The following SWSAP1 variants were observed in gnomAD, a reference collection of about 807,000 sequenced individuals.
The protein encoded by SWSAP1 is SWIM-type zinc finger 7 associated protein 1, also known as ATPase SWSAP1.
Under a neutral mutation model 5.6 loss-of-function variants are expected in SWSAP1, and 4 were observed. That is an observed-to-expected ratio of 0.72 (90% confidence interval 0.35 to 1.64). The LOEUF is 1.64. Ranked by LOEUF, SWSAP1 falls within the 40% of genes most tolerant of loss-of-function variation. The probability of loss-of-function intolerance (pLI) is 0.05; values close to 1 mark genes in which losing one functional copy is unlikely to be tolerated. For synonymous variants in SWSAP1, 139 were observed against 143.3 expected (o/e 0.97, Z 0.22); for missense variants, 354 against 319.8 (o/e 1.11, Z -0.82).
Position 11,375,939 on chromosome 19 carries a change from A to G in SWSAP1, c.676A>G (p.Met226Val). Residue 226 changes from methionine (M) to valine (V), a missense_variant, in exon 2 of 2, where the codon ATG (methionine) becomes GTG (valine). Coordinates refer to ENST00000674460, the MANE Select transcript of SWSAP1 (RefSeq NM_175871.4). The stretch of plus-strand genomic sequence containing the variant: ...GGTGACTTTCCGATCAGATGGAGAA[A>G]TGATGATCGCTCCGTGGCCCACCCA... ...WWVTFRSDGE[M>V]MIAPWPTQAG... 6.2e-7 allele frequency: 1 copy of G among 1,613,570 alleles called. No individual in the cohort carries two copies.
rs150953765 is a variant in SWSAP1, at chr19:11,374,771, C to G, written c.91C>G (p.Leu31Val). ...NMPAAGPPLL[L>V]LGTPGSGKTA... is the part of the protein sequence containing the mutation. ...GCCTGCCGCCGGACCGCCTTTGCTG[C>G]TGCTCGGTACACCAGGATCTGGAAA... Residue 31 changes from leucine to valine, a missense_variant, in exon 1 of 2, where the codon CTG becomes GTG. Coordinates refer to ENST00000674460, the MANE Select transcript of SWSAP1 (RefSeq NM_175871.4). 239 of 1,612,912 alleles carry G rather than the reference C, an allele frequency of 1.5e-4. No individual in the cohort carries two copies. The highest frequency in any genetic ancestry group is 1.7e-4 in the Middle Eastern group (1 of 5,752).
intron 1 of SWSAP1, among the ~76,000 whole-genome samples, 184 bp from the exon 2 acceptor site, chr19:11,375,329 G>T (rs1968264293): frequency 6.6e-6 from 1 of 152,160 alleles, no homozygotes; most frequent in African/African-American, 2.4e-5. Context: ...AGCAAAAATG[G>T]CTTGCCCTCA....
chr19:11,375,199 T>C (rs111613752), intron 1 of SWSAP1, among the ~76,000 whole-genome samples: 10 of 152,200 alleles, frequency 6.6e-5, no homozygotes, highest in African/African-American at 2.2e-4. Context: ...GGGGCTAAGC[T>C]TGGGTCCATT....
rs1568326984 is a variant in SWSAP1, at chr19:11,375,672, G to A, written c.409G>A (p.Ala137Thr). The A allele has an allele frequency of 6.2e-7, 1 of 1,614,228 alleles. No individual in the cohort carries two copies. The highest frequency in any genetic ancestry group is 8.5e-7 in the Non-Finnish European group (1 of 1,180,036). ...GCCCCAGGAAGCCGCCTACCTCATT[G>A]CCTTACTTCTAGACACAGCTGCCCA... Reference protein sequence around the residue: ...PEPQEAAYLIALLLDTAAHFS... With the variant: ...PEPQEAAYLITLLLDTAAHFS... The change falls in exon 2 of 2, where the codon GCC becomes ACC. Residue 137 changes from alanine (A) to threonine (T), a missense_variant. Ala to Thr is a moderately conservative substitution (Grantham distance 58). Coordinates refer to ENST00000674460, the MANE Select transcript of SWSAP1 (RefSeq NM_175871.4).
At chr19:11,375,298 A>G (rs1211739178) in intron 1 of SWSAP1, among the ~76,000 whole-genome samples, 1 of 152,160 alleles carries the variant, frequency 6.6e-6, no homozygotes. Context: ...ATTGCGCTAG[A>G]GATTTGGCCA....
chr19:11,375,489 C>G, intron 1 of SWSAP1, 24 bp from the exon 2 acceptor site: 3 of 1,585,232 alleles, frequency 1.9e-6, no homozygotes, highest in African/African-American at 1.4e-5. Context: ...GAATCCGGCC[C>G]TTTCCTTCTG....
chr19:11,375,737 C>T lies in SWSAP1; in HGVS notation c.474C>T (p.Leu158=), dbSNP rs1250425992. The change falls in exon 2 of 2, where the codon CTC becomes CTT. Residue 158 remains leucine (L), a synonymous_variant. Transcript: ENST00000674460. The part of the protein sequence containing the change: ...HRLGPGRDCG[L]MVALQTQEEA... ...TTGGGCCTGGCCGGGATTGTGGGCT[C>T]ATGGTGGCCCTCCAGACCCAGGAGG... 1.2e-6 allele frequency: 2 copies of T among 1,614,214 alleles called. No homozygotes were observed. The highest frequency in any genetic ancestry group is 1.7e-5 in the Admixed American group (1 of 60,028).
rs937790930 is a variant in SWSAP1 at position 11,374,670 on chromosome 19, C to A, written c.-11C>A. On this transcript the variant is annotated 5_prime_UTR_variant, in exon 1 of 2. Coordinates refer to ENST00000674460, the MANE Select transcript of SWSAP1 (RefSeq NM_175871.4). Reference sequence around the variant, plus strand: ...GGAACGAGCCACCGATTGGTCAGAGCTACGCGGCGAATGGCGGAGACGCTG... The same window carrying A: ...GGAACGAGCCACCGATTGGTCAGAGATACGCGGCGAATGGCGGAGACGCTG... 1.3e-6 allele frequency: 2 copies of A among 1,499,974 alleles called. No individual in the cohort carries two copies. The highest frequency in any genetic ancestry group is 1.3e-5 in the South Asian group (1 of 78,220). 92.9% of individuals were successfully genotyped at this position (1,499,974 alleles called of 1,614,324 possible). A position where few individuals can be genotyped will look rare whatever the true frequency, so the allele number is the denominator to read the frequency against.
chr19:11,374,956 G>A (rs749222053), intron 1 of SWSAP1, 27 bp downstream of exon 1: 1 of 1,608,810 alleles, frequency 6.2e-7, no homozygotes, highest in African/African-American at 1.3e-5. Flanking sequence ...GAGCAGAGGC[G>A]TTCTAGCCAA....
At chr19:11,375,209 T>C (rs1448985838) in intron 1 of SWSAP1, among the ~76,000 whole-genome samples, 1 of 152,114 alleles carries the variant, frequency 6.6e-6, no homozygotes, top group Non-Finnish European at 1.5e-5. Context: ...TTGGGTCCAT[T>C]CTGGACCTGA....
rs1968274655 is a variant in SWSAP1 at position 11,375,963 on chromosome 19, C to G, written c.700C>G (p.Gln234Glu). 3 of 1,612,422 alleles carry G rather than the reference C, an allele frequency of 1.9e-6. No individual in the cohort carries two copies. The highest frequency in any genetic ancestry group is 2.7e-5 in the African/African-American group (2 of 74,930). Residue 234 changes from glutamine (Q) to glutamate (E), a missense_variant, in exon 2 of 2, where the codon CAG becomes GAG. Gln to Glu is a conservative substitution (Grantham distance 29). Coordinates refer to ENST00000674460, the MANE Select transcript of SWSAP1 (RefSeq NM_175871.4). The part of the protein sequence containing the change: ...GEMMIAPWPT[Q>E]AGDPSSGKGS... ...AATGATGATCGCTCCGTGGCCCACCCAGGCTGGTGACCCCAGCTCAGGCAA... is the reference window on the plus strand; with the variant it reads ...AATGATGATCGCTCCGTGGCCCACCGAGGCTGGTGACCCCAGCTCAGGCAA...
intron 1 of SWSAP1, 103 bp downstream of exon 1, chr19:11,375,032 C>T (rs1968260479): frequency 3.4e-6 from 5 of 1,458,372 alleles, no homozygotes; most frequent in Non-Finnish European, 4.7e-6. Context: ...GGTGGAAGAG[C>T]GAGCCAGGGC....
At chr19:11,374,970 T>G (rs1599414566) in intron 1 of SWSAP1, 41 bp downstream of exon 1, 1 of 1,603,564 alleles carries the variant, frequency 6.2e-7, no homozygotes, top group South Asian at 1.1e-5. Flanking sequence ...TAGCCAATGG[T>G]GGAGTAGATC....
chr19:11,376,100 C>T lies in SWSAP1; in HGVS notation c.*84C>T. On this transcript the variant is annotated 3_prime_UTR_variant, in exon 2 of 2. Transcript: ENST00000674460. The stretch of plus-strand genomic sequence containing the variant: ...CAGGGACATATGCAGATCCAAAGAC[C>T]TAAACAATGTAAAGTGCTTTTTCTC... 1 of 1,244,952 alleles carries T rather than the reference C, an allele frequency of 8.0e-7. No individual in the cohort carries two copies. Among genetic ancestry groups the T allele is most frequent in the Non-Finnish European group, 1.1e-6 (1 of 917,804 alleles). The allele number at this position is 1,244,952 out of a possible 1,614,324, so 77.1% of individuals were successfully genotyped here. A position where few individuals can be genotyped will look rare whatever the true frequency, so the allele number is the denominator to read the frequency against.
In SWSAP1 at chr19:11,375,830, G is replaced by T. The variant is rs140002884; in HGVS notation, c.567G>T (p.Leu189=). ...GGTATTTTCCTGCCCAGTGCTGGCT[G>T]CAGCCAGATGCACCAGGTCCAGGAG... ...LQRYFPAQCW[L]QPDAPGPGEH... Residue 189 remains leucine, a synonymous_variant, in exon 2 of 2, where the codon CTG becomes CTT. Coordinates refer to ENST00000674460, the MANE Select transcript of SWSAP1 (RefSeq NM_175871.4). 53 of 1,614,164 alleles carry T rather than the reference G, an allele frequency of 3.3e-5. No individual in the cohort carries two copies. In the African/African-American group the frequency reaches 6.5e-4, roughly 20 times the overall value.
chr19:11,374,940 G>C lies in SWSAP1; in HGVS notation c.249+11G>C, dbSNP rs199513120. 40 of 1,612,704 alleles carry C rather than the reference G, an allele frequency of 2.5e-5. No homozygotes were observed. In the East Asian group the frequency reaches 8.9e-4, roughly 36 times the overall value. ...CCAATGCGACTCCAGGTAACCGTGG[G>C]GGTGGGAGCAGAGGCGTTCTAGCCA... On this transcript the variant is annotated intron_variant, in intron 1 of 1. Coordinates refer to ENST00000674460, the MANE Select transcript of SWSAP1 (RefSeq NM_175871.4).
chr19:11,374,761 G>A lies in SWSAP1; in HGVS notation c.81G>A (p.Pro27=). ...AGGAGAACATGCCTGCCGCCGGACC[G>A]CCTTTGCTGCTGCTCGGTACACCAG... ...SGEENMPAAG[P]PLLLLGTPGS... Residue 27 remains proline (P), a synonymous_variant, in exon 1 of 2, where the codon CCG becomes CCA. Coordinates refer to ENST00000674460, the MANE Select transcript of SWSAP1 (RefSeq NM_175871.4). The A allele has an allele frequency of 6.2e-7, 1 of 1,611,408 alleles. No individual in the cohort carries two copies. The highest frequency in any genetic ancestry group is 8.5e-7 in the Non-Finnish European group (1 of 1,179,276).
chr19:11,375,002 G>A, intron 1 of SWSAP1, 73 bp downstream of exon 1: 2 of 1,576,222 alleles, frequency 1.3e-6, no homozygotes, highest in East Asian at 4.5e-5. Flanking sequence ...GTAACAGGTA[G>A]ACAAGCCAAT....
At chr19:11,375,248 G>A (rs1968263474) in intron 1 of SWSAP1, among the ~76,000 whole-genome samples, 1 of 152,174 alleles carries the variant, frequency 6.6e-6, no homozygotes. Context: ...CAAGGATGGG[G>A]TCAGACCGAG....
Sources: allele counts gnomAD v4.1 joint callset (sites outside exome capture counted in the v4.1 genomes callset), GRCh38; gene constraint gnomAD v4.1.1; transcripts MANE v1.5; gene names NCBI Gene and HGNC (gene_info 2026-07-23, HGNC 2026-07-21).